The following KANSL1L variants were observed in gnomAD, a reference collection of about 807,000 sequenced individuals.
KANSL1L encodes KAT8 regulatory NSL complex subunit 1-like protein.
A neutral mutation model predicts 108.6 loss-of-function variants in KANSL1L; 25 were observed. The observed-to-expected ratio is 0.23, with a 90% CI of 0.17 to 0.32. The LOEUF (loss-of-function observed/expected upper bound fraction) is 0.32, where lower values mean the gene tolerates loss of function less well. Ranked by LOEUF, KANSL1L falls within the 10% of genes least tolerant of loss-of-function variation. KANSL1L has a pLI of 1.00. For missense variants in KANSL1L, 1,137 were observed against 1,125.7 expected, an observed-to-expected ratio of 1.01 and a Z score of -0.14; for synonymous variants, 405 against 395.1, an observed-to-expected ratio of 1.03 and a Z score of -0.30.
chr2:210,171,770 C>T (rs866715893), upstream of KANSL1L: 2 of 152,104 alleles, frequency 1.3e-5, no homozygotes, highest in Non-Finnish European at 2.9e-5. Context: ...CATTCCCTGC[C>T]GTCCGCGCCG....
At chr2:210,126,823 T>A (rs990493946) in intron 3 of KANSL1L, among the ~76,000 whole-genome samples, 8 of 152,156 alleles carry the variant, frequency 5.3e-5, no homozygotes, top group African/African-American at 1.7e-4. Context: ...GTCTCAAAAA[T>A]ATATATAAAT....
intron 11 of KANSL1L, chr2:210,028,607 G>T (rs1301538633): frequency 8.5e-6 from 3 of 353,088 alleles, no homozygotes; most frequent in Non-Finnish European, 1.5e-5. Flanking sequence ...TAATAAAAAA[G>T]ACTAAGAATG....
At chr2:210,071,082 C>T (rs1016303053) in intron 6 of KANSL1L, among the ~76,000 whole-genome samples, 4 of 151,688 alleles carry the variant, frequency 2.6e-5, no homozygotes, top group East Asian at 2.0e-4. Context: ...TGCTTGAACC[C>T]GGGAGGCGGA....
At chr2:210,132,782 TTGTCA>T (rs1460405886) in intron 2 of KANSL1L, among the ~76,000 whole-genome samples, 1 of 152,154 alleles carries the variant, frequency 6.6e-6, no homozygotes, top group African/African-American at 2.4e-5. Flanking sequence ...TGCTGTTCTC[TTGTCA>T]TATTTGGTTT....
intron 2 of KANSL1L, among the ~76,000 whole-genome samples, chr2:210,138,735 T>TTTAAC (rs2095198899): frequency 6.6e-6 from 1 of 152,202 alleles, no homozygotes; most frequent in East Asian, 1.9e-4. Flanking sequence ...CATCATCTCA[T>TTTAAC]ATACTTTTTC....
intron 10 of KANSL1L, 197 bp from the exon 11 acceptor site, chr2:210,029,166 C>T: frequency 2.0e-6 from 1 of 509,104 alleles, no homozygotes; most frequent in Non-Finnish European, 3.4e-6. Context: ...AGAACAATCT[C>T]TTGGTAGATG....
chr2:210,161,585 T>C (rs1575645877), intron 1 of KANSL1L, among the ~76,000 whole-genome samples: 2 of 152,132 alleles, frequency 1.3e-5, no homozygotes, highest in East Asian at 1.9e-4. Flanking sequence ...TTCCTAAAAA[T>C]TAAATACTAA....
chr2:210,112,669 A>G (rs1415647397), intron 3 of KANSL1L, among the ~76,000 whole-genome samples: 1 of 152,204 alleles, frequency 6.6e-6, no homozygotes, highest in African/African-American at 2.4e-5. Flanking sequence ...TATGGTATAT[A>G]TAATGATATT....
At chr2:210,033,704 T>TTC in intron 8 of KANSL1L, among the ~76,000 whole-genome samples, 1 of 149,826 alleles carries the variant, frequency 6.7e-6, no homozygotes, top group East Asian at 2.0e-4. Context: ...TATTTTTTTT[T>TTC]TTTTTTTGTA....
intron 1 of KANSL1L, among the ~76,000 whole-genome samples, chr2:210,158,498 T>C (rs1349684123): frequency 6.6e-6 from 1 of 152,184 alleles, no homozygotes; most frequent in Non-Finnish European, 1.5e-5. Flanking sequence ...CATGCCTACA[T>C]TCTTGACCCA....
chr2:210,022,902 C>G lies in KANSL1L; in HGVS notation c.*47G>C. 7.6e-7 allele frequency: 1 copy of G among 1,315,874 alleles called. No homozygotes were observed. The highest frequency in any genetic ancestry group is 1.1e-6 in the Non-Finnish European group (1 of 914,256). The allele number at this position is 1,315,874 out of a possible 1,614,324, so 81.5% of individuals were successfully genotyped here. A position where few individuals can be genotyped will look rare whatever the true frequency, so the allele number is the denominator to read the frequency against. On this transcript the variant is annotated 3_prime_UTR_variant, in exon 15 of 15. Coordinates refer to ENST00000281772, the MANE Select transcript of KANSL1L (RefSeq NM_152519.4). ...GGGGATCCAGAACAGGGCTTTATTTCCTCCCATCTTTCCTACATTTACATA... is the reference window on the plus strand; with the variant it reads ...GGGGATCCAGAACAGGGCTTTATTTGCTCCCATCTTTCCTACATTTACATA...
upstream of KANSL1L, chr2:210,171,521 C>A (rs183475642): frequency 0.01 from 1,612 of 153,526 alleles, 32 homozygotes; most frequent in African/African-American, 0.034. Flanking sequence ...CCTGCAGAAG[C>A]GGCTCGGAGT....
At position 210,126,149 on chromosome 2, in the gene KANSL1L, C is replaced by T. The variant is rs192874299; in HGVS notation, c.1230+2882G>A. ...AGCAAGATCACACAGAAGTCAGGTG[C>T]GTTTTTTATACACCAACAATGAACA... is the stretch of plus-strand genomic sequence containing the variant. On this transcript the variant is annotated intron_variant, in intron 3 of 14. Coordinates refer to ENST00000281772, the MANE Select transcript of KANSL1L (RefSeq NM_152519.4). 3.9e-5 allele frequency among the ~76,000 whole-genome samples: 6 copies of T among 152,184 alleles called. No homozygotes were observed. In the East Asian group the frequency reaches 7.7e-4, roughly 20 times the overall value.
chr2:210,115,210 G>A (rs1341700607), intron 3 of KANSL1L, among the ~76,000 whole-genome samples: 5 of 151,928 alleles, frequency 3.3e-5, no homozygotes, highest in South Asian at 2.1e-4. Context: ...TAAGTCCAAC[G>A]ACACAAGTAA....
chr2:210,147,817 C>A (rs2095276000), intron 2 of KANSL1L, among the ~76,000 whole-genome samples: 1 of 152,166 alleles, frequency 6.6e-6, no homozygotes, highest in Non-Finnish European at 1.5e-5. Context: ...TGAGTTTCTA[C>A]TCCTATTTAT....
chr2:210,148,232 T>C (rs1488505636), intron 2 of KANSL1L, among the ~76,000 whole-genome samples: 2 of 152,200 alleles, frequency 1.3e-5, no homozygotes, highest in Non-Finnish European at 2.9e-5. Flanking sequence ...TTTCTTCCTT[T>C]TCCACAACCC....
At chr2:210,145,536 T>C (rs2095259343) in intron 2 of KANSL1L, among the ~76,000 whole-genome samples, 1 of 152,164 alleles carries the variant, frequency 6.6e-6, no homozygotes, top group Admixed American at 6.5e-5. Context: ...ACTCACTCAC[T>C]GTGGTAGAAG....
chr2:210,032,212 C>T (rs1336666892), intron 8 of KANSL1L: 1 of 152,054 alleles, frequency 6.6e-6, no homozygotes, highest in Non-Finnish European at 1.5e-5. Flanking sequence ...AGCTGAAGTG[C>T]CAAACTCACA....
At chr2:210,119,633 C>T (rs1204837677) in intron 3 of KANSL1L, among the ~76,000 whole-genome samples, 1 of 152,040 alleles carries the variant, frequency 6.6e-6, no homozygotes, top group Non-Finnish European at 1.5e-5. Flanking sequence ...TAAGAAAATT[C>T]AACATCCTTC....
Sources: allele counts gnomAD v4.1 joint callset (sites outside exome capture counted in the v4.1 genomes callset), GRCh38; gene constraint gnomAD v4.1.1; transcripts MANE v1.5; gene names NCBI Gene and HGNC (gene_info 2026-07-23, HGNC 2026-07-21).